RAPGEF4: variants seen among roughly 807,000 people sequenced by gnomAD.
RAPGEF4 encodes the protein Rap guanine nucleotide exchange factor 4.
Under a neutral mutation model 147.9 loss-of-function variants are expected in RAPGEF4, and 66 were observed. That is an observed-to-expected ratio of 0.45 (90% CI 0.37 to 0.55). The LOEUF is 0.55. Ranked by LOEUF, RAPGEF4 falls within the 20% of genes least tolerant of loss-of-function variation. The pLI, the probability that RAPGEF4 is intolerant of heterozygous loss-of-function variation, is 0.00. For missense variants in RAPGEF4, 1,071 were observed against 1,257.3 expected (o/e 0.85, Z 2.24); for synonymous variants, 419 against 442.7 (o/e 0.95, Z 0.67).
intron 26 of RAPGEF4, among the ~76,000 whole-genome samples, chr2:173,030,897 A>T (rs917720021): frequency 6.6e-6 from 1 of 152,226 alleles, no homozygotes; most frequent in African/African-American, 2.4e-5. Context: ...AAACATCTTC[A>T]TTTATTATTA....
chr2:172,879,835 G>C (rs551150567), intron 4 of RAPGEF4, among the ~76,000 whole-genome samples: 1 of 152,130 alleles, frequency 6.6e-6, no homozygotes, highest in African/African-American at 2.4e-5. Flanking sequence ...TTTGTTAAGC[G>C]TATATAAAAA....
At chr2:172,900,928 T>A (rs776634463) in intron 4 of RAPGEF4, among the ~76,000 whole-genome samples, 13 of 152,206 alleles carry the variant, frequency 8.5e-5, no homozygotes, top group Non-Finnish European at 5.9e-5. Context: ...CTTTTTTTCT[T>A]CCCACAGTGT....
At chr2:172,882,777 G>A (rs1559095710) in intron 4 of RAPGEF4, among the ~76,000 whole-genome samples, 1 of 152,014 alleles carries the variant, frequency 6.6e-6, no homozygotes, top group Non-Finnish European at 1.5e-5. Flanking sequence ...GTGCTTTACA[G>A]ATCATAAGGT....
chr2:172,939,635 A>T (rs1293096562), intron 6 of RAPGEF4, among the ~76,000 whole-genome samples: 1 of 152,152 alleles, frequency 6.6e-6, no homozygotes, highest in Non-Finnish European at 1.5e-5. Flanking sequence ...AGTCTAGTCC[A>T]ACATTCATTT....
At chr2:172,845,133 A>AT (rs1283158090) in intron 4 of RAPGEF4, among the ~76,000 whole-genome samples, 4 of 152,212 alleles carry the variant, frequency 2.6e-5, no homozygotes, top group Non-Finnish European at 4.4e-5. Context: ...GACCTAGGGC[A>AT]TTTGCAATAG....
intron 3 of RAPGEF4, among the ~76,000 whole-genome samples, chr2:172,811,940 T>C (rs1688064829): frequency 6.6e-6 from 1 of 152,240 alleles, no homozygotes; most frequent in Admixed American, 6.5e-5. Context: ...ACTGTAAAGA[T>C]AGTGAATAGT....
At chr2:172,851,737 C>A (rs1692852449) in intron 4 of RAPGEF4, among the ~76,000 whole-genome samples, 1 of 151,966 alleles carries the variant, frequency 6.6e-6, no homozygotes, top group Non-Finnish European at 1.5e-5. Flanking sequence ...TAAGTGGGAG[C>A]TAAACAATGA....
intron 4 of RAPGEF4, among the ~76,000 whole-genome samples, chr2:172,836,038 G>C (rs912882233): frequency 2.0e-5 from 3 of 152,144 alleles, no homozygotes; most frequent in African/African-American, 7.2e-5. Context: ...TTTCTGAATA[G>C]AAGTGAAAAG....
intron 4 of RAPGEF4, among the ~76,000 whole-genome samples, chr2:172,848,625 A>G (rs1368250009): frequency 6.6e-6 from 1 of 152,192 alleles, no homozygotes; most frequent in Non-Finnish European, 1.5e-5. Context: ...CTGTTTGTTC[A>G]GCTGGAAGAT....
At chr2:172,944,672 G>A (rs548672053) in intron 6 of RAPGEF4, among the ~76,000 whole-genome samples, 3 of 152,222 alleles carry the variant, frequency 2.0e-5, no homozygotes, top group African/African-American at 7.2e-5. Flanking sequence ...TTTAATCAAG[G>A]GGCTGTTGTA....
chr2:172,826,695 G>A (rs192550221), intron 4 of RAPGEF4, among the ~76,000 whole-genome samples: 29 of 152,220 alleles, frequency 1.9e-4, no homozygotes, highest in African/African-American at 5.8e-4. Context: ...AGCTGGGCTC[G>A]GTGACTCATG....
chr2:172,780,309 G>C (rs575177228), intron 1 of RAPGEF4, among the ~76,000 whole-genome samples: 2 of 152,324 alleles, frequency 1.3e-5, no homozygotes, highest in African/African-American at 4.8e-5. Flanking sequence ...TTTAGAGAAG[G>C]ATAATACATT....
At chr2:172,887,248 T>A (rs765803103) in intron 4 of RAPGEF4, among the ~76,000 whole-genome samples, 1 of 151,616 alleles carries the variant, frequency 6.6e-6, no homozygotes, top group East Asian at 1.9e-4. Context: ...TATAGTGAAG[T>A]AAAGAAAGAT....
chr2:172,828,976 A>C (rs1478275149), intron 4 of RAPGEF4, among the ~76,000 whole-genome samples: 2 of 152,228 alleles, frequency 1.3e-5, no homozygotes, highest in East Asian at 3.8e-4. Flanking sequence ...TAGGAAAGAC[A>C]GGTTGGTGTT....
intron 5 of RAPGEF4, among the ~76,000 whole-genome samples, chr2:172,921,475 T>C (rs1459767028): frequency 2.0e-5 from 3 of 152,194 alleles, no homozygotes; most frequent in African/African-American, 7.2e-5. Flanking sequence ...AGAATTTGGA[T>C]TATTGTATTT....
chr2:172,783,217 C>G (rs149855461), intron 1 of RAPGEF4, among the ~76,000 whole-genome samples: 7 of 152,176 alleles, frequency 4.6e-5, no homozygotes, highest in East Asian at 3.9e-4. Context: ...ATCCATCGGC[C>G]GAGGACAGAG....
At chr2:172,785,277 G>GA (rs1454737022) in intron 1 of RAPGEF4, among the ~76,000 whole-genome samples, 1 of 152,070 alleles carries the variant, frequency 6.6e-6, no homozygotes, top group African/African-American at 2.4e-5. Flanking sequence ...TTGTTATAGA[G>GA]AAAAAACACA....
intron 4 of RAPGEF4, among the ~76,000 whole-genome samples, chr2:172,882,819 A>C (rs1696771435): frequency 6.6e-6 from 1 of 152,090 alleles, no homozygotes; most frequent in African/African-American, 2.4e-5. Context: ...CATCATCATC[A>C]TCATCACCAT....
At chr2:173,046,756 G>A (rs1304177102) in intron 29 of RAPGEF4, among the ~76,000 whole-genome samples, 4 of 152,138 alleles carry the variant, frequency 2.6e-5, no homozygotes, top group African/African-American at 7.2e-5. Flanking sequence ...CAGTTTTCAC[G>A]ATCTTTGATG....
Sources: gnomAD v4.1 joint callset for allele counts (sites outside exome capture counted in the v4.1 genomes callset) on GRCh38, gnomAD v4.1.1 for gene constraint, MANE v1.5 for transcripts, NCBI Gene and HGNC (gene_info 2026-07-23, HGNC 2026-07-21) for gene names.